The following CNOT4 variants were observed in gnomAD, a reference collection of about 807,000 sequenced individuals.
CNOT4 encodes the protein CCR4-associated factor 4.
CNOT4 carries 8 observed loss-of-function variants against 73.8 expected under a neutral mutation model. That is an observed-to-expected ratio of 0.11 (90% CI 0.06 to 0.20). CNOT4 has a LOEUF of 0.20. Ranked by LOEUF, CNOT4 falls within the 10% of genes least tolerant of loss-of-function variation. The probability of loss-of-function intolerance (pLI) is 1.00; values close to 1 mark genes in which losing one functional copy is unlikely to be tolerated. For synonymous variants in CNOT4, 293 were observed against 321.1 expected, an observed-to-expected ratio of 0.91 and a Z score of 0.94; for missense variants, 564 against 883.4, an observed-to-expected ratio of 0.64 and a Z score of 4.58.
intron 1 of CNOT4, among the ~76,000 whole-genome samples, chr7:135,439,551 G>A (rs1179119095): frequency 1.3e-5 from 2 of 152,164 alleles, no homozygotes; most frequent in South Asian, 2.1e-4. Flanking sequence ...GACTGCTTGA[G>A]GGCAGGAGTT....
chr7:135,497,237 A>G (rs988301221), intron 1 of CNOT4, among the ~76,000 whole-genome samples: 1 of 151,898 alleles, frequency 6.6e-6, no homozygotes, highest in Non-Finnish European at 1.5e-5. Flanking sequence ...GTGAAACCCC[A>G]TCTTTACCAA....
intron 7 of CNOT4, among the ~76,000 whole-genome samples, chr7:135,402,911 G>C (rs564970345): frequency 6.6e-6 from 1 of 152,056 alleles, no homozygotes; most frequent in Non-Finnish European, 1.5e-5. Flanking sequence ...ATAGTCTCAT[G>C]ATTACTTTAA....
chr7:135,381,231 C>A (rs1224530266), intron 10 of CNOT4, among the ~76,000 whole-genome samples: 1 of 152,218 alleles, frequency 6.6e-6, no homozygotes, highest in Non-Finnish European at 1.5e-5. Context: ...CTACTACATT[C>A]ATTAAGTGGA....
intron 8 of CNOT4, among the ~76,000 whole-genome samples, chr7:135,396,186 C>T (rs1034069070): frequency 3.7e-5 from 5 of 134,026 alleles, no homozygotes; most frequent in African/African-American, 8.7e-5. Flanking sequence ...GGCTTGATCT[C>T]GGCTCACTGC....
At chr7:135,489,387 A>ATT (rs1170141212) in intron 1 of CNOT4, among the ~76,000 whole-genome samples, 2 of 126,434 alleles carry the variant, frequency 1.6e-5, no homozygotes, top group Admixed American at 8.3e-5. Flanking sequence ...GACTAGTCAC[A>ATT]TTTCTTTTTT....
At chr7:135,459,599 A>T (rs570650782) in intron 1 of CNOT4, among the ~76,000 whole-genome samples, 1 of 152,300 alleles carries the variant, frequency 6.6e-6, no homozygotes, top group South Asian at 2.1e-4. Flanking sequence ...TCGCCTATGG[A>T]TACAAAAATC....
intron 3 of CNOT4, among the ~76,000 whole-genome samples, 181 bp from the exon 4 acceptor site, chr7:135,415,443 G>A (rs1304490396): frequency 3.9e-5 from 6 of 152,172 alleles, no homozygotes; most frequent in Non-Finnish European, 5.9e-5. Context: ...AATCAAAAGA[G>A]TTTAAAAGCT....
In CNOT4 at chr7:135,509,992, G is replaced by T; in HGVS notation, c.-196C>A. The T allele has an allele frequency of 2.5e-6, 1 of 399,102 alleles. No homozygotes were observed. The highest frequency in any genetic ancestry group is 1.3e-4 in the South Asian group (1 of 7,870). The allele number at this position is 399,102 out of a possible 1,614,324, so 24.7% of individuals were successfully genotyped here. ...CGGGGAAAAAACTCTTCAGAACCGGGCCTGATTGCTTCAGCGAGTCCGACC... is the reference window on the plus strand; with the variant it reads ...CGGGGAAAAAACTCTTCAGAACCGGTCCTGATTGCTTCAGCGAGTCCGACC... On this transcript the variant is annotated 5_prime_UTR_variant, in exon 1 of 12. Transcript: ENST00000541284.
intron 2 of CNOT4, among the ~76,000 whole-genome samples, chr7:135,435,272 T>C (rs185482491): frequency 1.3e-4 from 20 of 152,332 alleles, no homozygotes; most frequent in African/African-American, 4.8e-4. Flanking sequence ...ATTAGTTCTT[T>C]GATTATTTCT....
chr7:135,507,991 T>A (rs944607272), intron 1 of CNOT4, among the ~76,000 whole-genome samples: 4 of 152,234 alleles, frequency 2.6e-5, no homozygotes, highest in African/African-American at 9.6e-5. Flanking sequence ...ACAGCTTTTC[T>A]AACCTTAGTT....
At chr7:135,444,793 A>G in intron 1 of CNOT4, 1 of 1,597,228 alleles carries the variant, frequency 6.3e-7, no homozygotes. Context: ...GTTACTGACT[A>G]TGTTCATGGG....
At chr7:135,467,997 C>T (rs905596804) in intron 1 of CNOT4, among the ~76,000 whole-genome samples, 6 of 152,014 alleles carry the variant, frequency 3.9e-5, no homozygotes, top group Admixed American at 2.6e-4. Flanking sequence ...GGGCGGCTCA[C>T]GAGGTCAGAA....
At chr7:135,399,114 G>A (rs371124154) in intron 7 of CNOT4, among the ~76,000 whole-genome samples, 1 of 151,984 alleles carries the variant, frequency 6.6e-6, no homozygotes, top group Non-Finnish European at 1.5e-5. Flanking sequence ...TATAAGCACT[G>A]CAACAGTGTA....
At chr7:135,499,612 A>G (rs1417839030) in intron 1 of CNOT4, among the ~76,000 whole-genome samples, 1 of 152,138 alleles carries the variant, frequency 6.6e-6, no homozygotes, top group Admixed American at 6.5e-5. Flanking sequence ...GCAACCCACT[A>G]TGACACTCAT....
chr7:135,475,453 A>G (rs1017159089), intron 1 of CNOT4, among the ~76,000 whole-genome samples: 2 of 152,202 alleles, frequency 1.3e-5, no homozygotes, highest in Non-Finnish European at 2.9e-5. Context: ...GAAATGGTTA[A>G]AAAAATTTTT....
At chr7:135,372,036 T>C (rs1469155631) in intron 10 of CNOT4, among the ~76,000 whole-genome samples, 1 of 152,110 alleles carries the variant, frequency 6.6e-6, no homozygotes, top group African/African-American at 2.4e-5. Flanking sequence ...AATACACAGA[T>C]CACCAGAATA....
intron 3 of CNOT4, among the ~76,000 whole-genome samples, chr7:135,417,364 A>G (rs1447075911): frequency 6.6e-6 from 1 of 152,226 alleles, no homozygotes; most frequent in Non-Finnish European, 1.5e-5. Context: ...ATGTACAAAT[A>G]GTCTTTTTAT....
chr7:135,507,880 G>T (rs916931887), intron 1 of CNOT4, among the ~76,000 whole-genome samples: 1 of 152,084 alleles, frequency 6.6e-6, no homozygotes, highest in Non-Finnish European at 1.5e-5. Flanking sequence ...TTGTAACTTA[G>T]CACAAAGTTT....
chr7:135,385,588 T>C (rs1451130894), intron 10 of CNOT4, among the ~76,000 whole-genome samples: 1 of 152,208 alleles, frequency 6.6e-6, no homozygotes, highest in African/African-American at 2.4e-5. Context: ...GTAAGAGACA[T>C]GAGCTCACAC....
Sources: allele counts gnomAD v4.1 joint callset (sites outside exome capture counted in the v4.1 genomes callset), GRCh38; gene constraint gnomAD v4.1.1; transcripts MANE v1.5; gene names NCBI Gene and HGNC (gene_info 2026-07-23, HGNC 2026-07-21).